The following CNTN1 variants were observed in gnomAD, a reference collection of about 807,000 sequenced individuals.
The protein encoded by CNTN1 is contactin-1.
A neutral mutation model predicts 126.4 loss-of-function variants in CNTN1; 38 were observed. The observed-to-expected ratio is 0.30, with a 90% CI of 0.23 to 0.39. The LOEUF is 0.39. Among genes scored for constraint, CNTN1 ranks in the 10% least tolerant of loss-of-function variants. The probability of loss-of-function intolerance (pLI) is 1.00; values close to 1 mark genes in which losing one functional copy is unlikely to be tolerated. For synonymous variants in CNTN1, 413 were observed against 422.6 expected, an observed-to-expected ratio of 0.98 and a Z score of 0.28; for missense variants, 1,009 against 1,248.4, an observed-to-expected ratio of 0.81 and a Z score of 2.89.
intron 12 of CNTN1, among the ~76,000 whole-genome samples, chr12:40,941,520 C>T (rs560704614): frequency 1.3e-5 from 2 of 152,132 alleles, no homozygotes; most frequent in Admixed American, 1.3e-4. Flanking sequence ...TTGGAAGAAG[C>T]TATGTATCTT....
intron 23 of CNTN1, chr12:41,061,882 G>A (rs555607208): frequency 2.2e-6 from 1 of 452,060 alleles, no homozygotes; most frequent in African/African-American, 2.0e-5. Context: ...GACAGAACTA[G>A]AGGTAGGTCT....
chr12:40,947,818 CACACACACACAT>C, intron 14 of CNTN1, among the ~76,000 whole-genome samples: 1 of 131,170 alleles, frequency 7.6e-6, no homozygotes, highest in East Asian at 2.2e-4. Flanking sequence ...CACACACACA[CACACACACACAT>C]ATGTATTACT....
chr12:40,962,936 G>A (rs1330678835), intron 15 of CNTN1, among the ~76,000 whole-genome samples: 2 of 152,038 alleles, frequency 1.3e-5, no homozygotes, highest in Admixed American at 1.3e-4. Context: ...TTTTGCAAGA[G>A]TAACATTTCT....
intron 21 of CNTN1, among the ~76,000 whole-genome samples, chr12:41,026,123 T>C (rs1006387281): frequency 1.3e-5 from 2 of 152,192 alleles, no homozygotes; most frequent in Non-Finnish European, 2.9e-5. Context: ...AATAGATAAA[T>C]TACCTATTTA....
At chr12:40,898,456 G>C (rs991289793) in intron 1 of CNTN1, among the ~76,000 whole-genome samples, 1 of 152,040 alleles carries the variant, frequency 6.6e-6, no homozygotes, top group Non-Finnish European at 1.5e-5. Flanking sequence ...TGTCTGCATG[G>C]TTAAATTGCA....
At chr12:40,919,075 T>C (rs1466823984) in intron 4 of CNTN1, among the ~76,000 whole-genome samples, 1 of 152,158 alleles carries the variant, frequency 6.6e-6, no homozygotes, top group Non-Finnish European at 1.5e-5. Context: ...TACATAAAAT[T>C]ATGCATAATT....
intron 1 of CNTN1, among the ~76,000 whole-genome samples, chr12:40,837,403 C>T (rs1367946631): frequency 2.0e-5 from 3 of 152,116 alleles, no homozygotes; most frequent in African/African-American, 4.8e-5. Context: ...GAGCAAGACA[C>T]ATCCAATGGC....
chr12:40,815,389 G>C (rs1199503165), intron 1 of CNTN1, among the ~76,000 whole-genome samples: 1 of 151,904 alleles, frequency 6.6e-6, no homozygotes, highest in Non-Finnish European at 1.5e-5. Context: ...GTATTCCTAG[G>C]TATTTTATTC....
At chr12:41,055,804 C>G (rs1377207688) in intron 23 of CNTN1, among the ~76,000 whole-genome samples, 1 of 152,108 alleles carries the variant, frequency 6.6e-6, no homozygotes, top group African/African-American at 2.4e-5. Context: ...TGGATCATGT[C>G]AATGTACCTT....
At chr12:41,026,997 G>C (rs1228498394) in intron 21 of CNTN1, among the ~76,000 whole-genome samples, 1 of 152,160 alleles carries the variant, frequency 6.6e-6, no homozygotes, top group African/African-American at 2.4e-5. Flanking sequence ...AGTGGGATGA[G>C]AGACTAAATA....
chr12:40,888,618 C>CA (rs34350605), intron 1 of CNTN1, among the ~76,000 whole-genome samples: 16,220 of 151,744 alleles, frequency 0.11, 1,091 homozygotes, highest in Admixed American at 0.18. Flanking sequence ...ACAACAACAA[C>CA]AAAAAAAGGA....
chr12:40,759,808 G>A (rs1008885432), intron 1 of CNTN1, among the ~76,000 whole-genome samples: 1 of 145,904 alleles, frequency 6.9e-6, no homozygotes, highest in Non-Finnish European at 1.5e-5. Context: ...AAGCCACTGT[G>A]GGACTGGGGA....
intron 4 of CNTN1, among the ~76,000 whole-genome samples, chr12:40,921,438 T>C (rs1033012822): frequency 3.9e-5 from 6 of 152,220 alleles, no homozygotes; most frequent in African/African-American, 1.2e-4. Context: ...AGAACTATTT[T>C]CTACATGCAT....
At chr12:40,972,718 T>C (rs1175874679) in intron 15 of CNTN1, 102 of 912,768 alleles carry the variant, frequency 1.1e-4, no homozygotes, top group Non-Finnish European at 1.3e-4. Flanking sequence ...TCCAGATTAA[T>C]TGCCATTTTT....
At chr12:40,944,249 A>C in intron 14 of CNTN1, 79 bp downstream of exon 14, 3 of 1,304,972 alleles carry the variant, frequency 2.3e-6, no homozygotes, top group Non-Finnish European at 3.3e-6. Flanking sequence ...TACTATAATC[A>C]CATTTTATAT....
chr12:40,813,767 C>T (rs1451279074), intron 1 of CNTN1, among the ~76,000 whole-genome samples: 1 of 152,140 alleles, frequency 6.6e-6, no homozygotes, highest in Admixed American at 6.5e-5. Context: ...GAGGAATCAC[C>T]ATACTGTCTT....
At chr12:40,977,764 C>CTGTTTTTTTT (rs1469383902) in intron 15 of CNTN1, among the ~76,000 whole-genome samples, 11 of 69,122 alleles carry the variant, frequency 1.6e-4, no homozygotes, top group African/African-American at 6.6e-4. Context: ...TAACAATCAT[C>CTGTTTTTTTT]TGTTTTGTTT....
At chr12:41,006,855 C>T (rs559896618) in intron 17 of CNTN1, among the ~76,000 whole-genome samples, 1 of 152,178 alleles carries the variant, frequency 6.6e-6, no homozygotes, top group African/African-American at 2.4e-5. Flanking sequence ...GGCTGGGTAG[C>T]TGGGTGGTGC....
intron 1 of CNTN1, among the ~76,000 whole-genome samples, chr12:40,881,740 G>A (rs577283851): frequency 3.3e-5 from 5 of 151,738 alleles, no homozygotes; most frequent in Admixed American, 2.0e-4. Flanking sequence ...TGCAGATCTC[G>A]AGTAGGTGAT....
Sources: allele counts gnomAD v4.1 joint callset (sites outside exome capture counted in the v4.1 genomes callset), GRCh38; gene constraint gnomAD v4.1.1; transcripts MANE v1.5; gene names NCBI Gene and HGNC (gene_info 2026-07-23, HGNC 2026-07-21).